GALNT18: variants seen among roughly 807,000 people sequenced by gnomAD.
GALNT18 encodes GalNAc-transferase 18.
In GALNT18, 44 loss-of-function variants were observed where a neutral mutation model predicts 69.5. The ratio of observed to expected loss-of-function variants is 0.63; its 90% CI spans 0.50 to 0.81. The LOEUF is 0.81. GALNT18 is among the 40% of genes least tolerant of loss of function. The pLI is 0.00. For missense variants in GALNT18, 715 were observed against 810.0 expected (o/e 0.88, Z 1.42); for synonymous variants, 364 against 318.2 (o/e 1.14, Z -1.53).
chr11:11,589,288 A>G (rs1226754477), intron 1 of GALNT18, among the ~76,000 whole-genome samples: 1 of 152,220 alleles, frequency 6.6e-6, no homozygotes, highest in Non-Finnish European at 1.5e-5. Flanking sequence ...ATAGAAGCAC[A>G]TTTATGAAAC....
rs1200491720 is a variant in GALNT18, at chr11:11,419,618, A to G, written c.595+13003T>C. ...TCTCAAAAAAAAAAAAAAAAAAAAA[A>G]AAAAGAAAGAAGGAAAAGAAACCAT... On this transcript the variant is annotated intron_variant, in intron 3 of 10. Coordinates refer to ENST00000227756, the MANE Select transcript of GALNT18 (RefSeq NM_198516.3). Among the ~76,000 whole-genome samples, 9 of 150,742 alleles carry G rather than the reference A, an allele frequency of 6.0e-5. No homozygotes were observed. In the South Asian group the frequency reaches 6.3e-4, roughly 11 times the overall value.
chr11:11,373,924 C>G (rs553000593), intron 5 of GALNT18, among the ~76,000 whole-genome samples: 102 of 152,316 alleles, frequency 6.7e-4, no homozygotes, highest in African/African-American at 2.4e-3. Flanking sequence ...GATGAGAAAA[C>G]TGTCGGTCCA....
chr11:11,518,078 TACC>T (rs1228705754), intron 1 of GALNT18, among the ~76,000 whole-genome samples: 1 of 152,136 alleles, frequency 6.6e-6, no homozygotes, highest in Non-Finnish European at 1.5e-5. Flanking sequence ...GCCCTAAAGA[TACC>T]AGCAGAAGAG....
intron 10 of GALNT18, among the ~76,000 whole-genome samples, chr11:11,278,452 G>A (rs541571367): frequency 4.6e-4 from 70 of 151,924 alleles, no homozygotes; most frequent in African/African-American, 1.3e-3. Context: ...ACCATGGCAC[G>A]TGTATACCTC....
chr11:11,279,591 GCTATACTC>G (rs1849024110), intron 10 of GALNT18, among the ~76,000 whole-genome samples: 1 of 105,754 alleles, frequency 9.5e-6, no homozygotes, highest in South Asian at 2.9e-4. Flanking sequence ...AAAAACTATA[GCTATACTC>G]GATAAATCTC....
chr11:11,299,971 G>A (rs889508699), intron 9 of GALNT18, among the ~76,000 whole-genome samples: 1 of 152,132 alleles, frequency 6.6e-6, no homozygotes, highest in Admixed American at 6.6e-5. Context: ...AGAAATTCTG[G>A]AGCCCTCACC....
At chr11:11,580,205 T>C (rs1859042268) in intron 1 of GALNT18, among the ~76,000 whole-genome samples, 1 of 152,232 alleles carries the variant, frequency 6.6e-6, no homozygotes, top group Non-Finnish European at 1.5e-5. Context: ...GGGTCCAGGT[T>C]TCCCAGTTTG....
Position 11,379,089 on chromosome 11 carries a change from A to G in GALNT18, c.771T>C (p.Asn257=). 2 of 1,601,958 alleles carry G rather than the reference A, an allele frequency of 1.2e-6. No individual in the cohort carries two copies. The highest frequency in any genetic ancestry group is 1.1e-5 in the South Asian group (1 of 89,974). The change falls in exon 4 of 11, where the codon AAT becomes AAC. Residue 257 remains asparagine (N), a synonymous_variant. Coordinates refer to ENST00000227756, the MANE Select transcript of GALNT18 (RefSeq NM_198516.3). ...VALFDAHVEF[N]VGWAEPVLTR... The stretch of plus-strand genomic sequence containing the variant: ...TCCCAAGGGGCACTTACCAGCCCAC[A>G]TTGAACTCCACGTGGGCATCAAAGA...
In GALNT18 at chr11:11,616,645, A is replaced by G. The variant is rs1274547723; in HGVS notation, c.235+4714T>C. Among the ~76,000 whole-genome samples, 5 of 152,360 alleles carry G rather than the reference A, an allele frequency of 3.3e-5. No individual in the cohort carries two copies. In the East Asian group the frequency reaches 7.7e-4, roughly 23 times the overall value. ...AAACTCTCCATTTAATCAATTCTCCAGATTAACTATGCTTGCCATTCCCTC... is the reference window on the plus strand; with the variant it reads ...AAACTCTCCATTTAATCAATTCTCCGGATTAACTATGCTTGCCATTCCCTC... On this transcript the variant is annotated intron_variant, in intron 1 of 10. Transcript: ENST00000227756. This position sits in a 1 kb window ranked among gnomAD's most constrained non-coding sequence, Gnocchi z 4.4.
In GALNT18 at chr11:11,444,542, C is replaced by T. The variant is rs1041984351; in HGVS notation, c.428+4202G>A. On this transcript the variant is annotated intron_variant, in intron 2 of 10. Transcript: ENST00000227756. The surrounding 1 kb of genome is among the most constrained non-coding windows in gnomAD (Gnocchi z 4.4). ...AAACGAGGCCTAGCAACTGGCTGGA[C>T]CGATGTTTTTCCTTCTAGTTGTGTC... 6.6e-6 allele frequency among the ~76,000 whole-genome samples: 1 copy of T among 152,178 alleles called. No homozygotes were observed. Among genetic ancestry groups the T allele is most frequent in the African/African-American group, 2.4e-5 (1 of 41,458 alleles).
intron 1 of GALNT18, among the ~76,000 whole-genome samples, chr11:11,466,693 A>G (rs1326354505): frequency 1.3e-5 from 2 of 152,236 alleles, no homozygotes; most frequent in Admixed American, 6.5e-5. Context: ...CATGAAAGCT[A>G]ATGAGTTCAT....
rs146326946 is a variant in GALNT18, at chr11:11,602,212, G to C, written c.235+19147C>G. On this transcript the variant is annotated intron_variant, in intron 1 of 10. Coordinates refer to ENST00000227756, the MANE Select transcript of GALNT18 (RefSeq NM_198516.3). The surrounding 1 kb of genome is among the most constrained non-coding windows in gnomAD (Gnocchi z 4.7). ...TATGAGTAGGGTGCTGGGTGGAGAT[G>C]GTAGTCACTGATCTTCTTGAATTGT... Among the ~76,000 whole-genome samples, 31 of 152,270 alleles carry C rather than the reference G, an allele frequency of 2.0e-4. No individual in the cohort carries two copies. In the East Asian group the frequency reaches 5.8e-3, roughly 28 times the overall value.
intron 3 of GALNT18, among the ~76,000 whole-genome samples, chr11:11,403,079 A>G (rs182772761): frequency 2.2e-4 from 33 of 152,318 alleles, no homozygotes; most frequent in Admixed American, 2.2e-3. Flanking sequence ...CAGACAGGGA[A>G]CAAATCAGGG....
At chr11:11,401,227 G>A (rs1182223241) in intron 3 of GALNT18, among the ~76,000 whole-genome samples, 2 of 152,190 alleles carry the variant, frequency 1.3e-5, no homozygotes, top group East Asian at 1.9e-4. Flanking sequence ...ATCATGATAT[G>A]TTCAACCTCA....
intron 2 of GALNT18, among the ~76,000 whole-genome samples, chr11:11,447,130 C>T (rs535380081): frequency 5.8e-4 from 88 of 152,320 alleles, no homozygotes; most frequent in South Asian, 1.7e-3. Flanking sequence ...GGGCCTCCTT[C>T]CTCTTCCTCA....
chr11:11,364,318 G>A (rs1235496801), intron 6 of GALNT18, among the ~76,000 whole-genome samples: 1 of 152,178 alleles, frequency 6.6e-6, no homozygotes, highest in East Asian at 1.9e-4. Context: ...CATCACAAAT[G>A]GGAACACAAG....
chr11:11,512,658 G>A (rs917105071), intron 1 of GALNT18, among the ~76,000 whole-genome samples: 6 of 152,190 alleles, frequency 3.9e-5, no homozygotes, highest in Non-Finnish European at 7.3e-5. Flanking sequence ...TTTAGTGACA[G>A]GTTCTTCATC....
At position 11,517,914 on chromosome 11, in the gene GALNT18, G is replaced by C. The variant is rs114726337; in HGVS notation, c.236-68978C>G. The stretch of plus-strand genomic sequence containing the variant: ...AATCTGCAATTTCCCATTATTACCA[G>C]CTTCAGCTAAAGGAATGAAGCCATA... On this transcript the variant is annotated intron_variant, in intron 1 of 10. Coordinates refer to ENST00000227756, the MANE Select transcript of GALNT18 (RefSeq NM_198516.3). Among the ~76,000 whole-genome samples, 513 of 152,264 alleles carry C rather than the reference G, an allele frequency of 3.4e-3. 4 individuals carry two copies. Among genetic ancestry groups the C allele is most frequent in the African/African-American group, 0.012 (494 of 41,544 alleles).
intron 1 of GALNT18, among the ~76,000 whole-genome samples, chr11:11,585,039 A>G (rs933030127): frequency 1.1e-4 from 16 of 152,222 alleles, no homozygotes; most frequent in African/African-American, 3.4e-4. Context: ...GTGATTTTTC[A>G]CACTGTATAA....
Sources: gnomAD v4.1 joint callset for allele counts (sites outside exome capture counted in the v4.1 genomes callset) on GRCh38, gnomAD v4.1.1 for gene constraint, Gnocchi (gnomAD v3.1) non-coding constraint, MANE v1.5 for transcripts, NCBI Gene and HGNC (gene_info 2026-07-23, HGNC 2026-07-21) for gene names.